TNIK: variants seen among roughly 807,000 people sequenced by gnomAD.
The protein encoded by TNIK is TRAF2 and NCK-interacting protein kinase.
TNIK carries 49 observed loss-of-function variants against 191.3 expected under a neutral mutation model. That is an observed-to-expected ratio of 0.26 (90% CI 0.20 to 0.32). TNIK has a LOEUF of 0.32. Ranked by LOEUF, TNIK falls within the 10% of genes least tolerant of loss-of-function variation. TNIK has a pLI of 1.00. For missense variants in TNIK, 1,155 were observed against 1,702.3 expected, an observed-to-expected ratio of 0.68 and a Z score of 5.66; for synonymous variants, 594 against 600.9, an observed-to-expected ratio of 0.99 and a Z score of 0.17.
intron 3 of TNIK, among the ~76,000 whole-genome samples, chr3:171,224,255 C>T (rs565893248): frequency 6.6e-6 from 1 of 152,286 alleles, no homozygotes; most frequent in East Asian, 1.9e-4. Context: ...AGTAAATTCC[C>T]TTTTCAGCTT....
At chr3:171,302,755 T>C (rs941962055) in intron 2 of TNIK, among the ~76,000 whole-genome samples, 2 of 152,216 alleles carry the variant, frequency 1.3e-5, no homozygotes, top group African/African-American at 4.8e-5. Flanking sequence ...TAAATGTTTA[T>C]AAAAGAATGA....
At chr3:171,398,657 C>T (rs1264554103) in intron 1 of TNIK, among the ~76,000 whole-genome samples, 1 of 152,156 alleles carries the variant, frequency 6.6e-6, no homozygotes, top group African/African-American at 2.4e-5. Flanking sequence ...AACAACTGGG[C>T]TCAAGCCCCA....
At chr3:171,393,803 T>C (rs541112159) in intron 1 of TNIK, among the ~76,000 whole-genome samples, 2 of 151,066 alleles carry the variant, frequency 1.3e-5, no homozygotes, top group Non-Finnish European at 3.0e-5. Flanking sequence ...TTATCAGGTA[T>C]TTATTCTATT....
chr3:171,128,771 G>C lies in TNIK; in HGVS notation c.1716C>G (p.Ser572Arg). The change falls in exon 16 of 33, where the codon AGC (serine) becomes AGG (arginine). Residue 572 changes from serine to arginine, a missense_variant. Around this residue, in one of 3 missense-constraint regions of TNIK, gnomAD observed 735 missense variants for 848.0 expected, o/e 0.87. Transcript: ENST00000436636. ...PNLPPRSESF[S>R]ISGVQPARTP... ...TTCGAGCAGGCTGAACTCCACTAAT[G>C]CTGAAGGACTCCGACCTTGGGGGCA... The C allele has an allele frequency of 6.2e-7, 1 of 1,613,040 alleles. No homozygotes were observed. Among genetic ancestry groups the C allele is most frequent in the Non-Finnish European group, 8.5e-7 (1 of 1,179,732 alleles).
At chr3:171,315,510 C>T (rs1016075323) in intron 2 of TNIK, among the ~76,000 whole-genome samples, 3 of 151,982 alleles carry the variant, frequency 2.0e-5, no homozygotes, top group African/African-American at 7.3e-5. Flanking sequence ...TATTAGTTGC[C>T]CGGAGCTGCC....
At chr3:171,343,335 A>C (rs1711613460) in intron 2 of TNIK, among the ~76,000 whole-genome samples, 1 of 152,214 alleles carries the variant, frequency 6.6e-6, no homozygotes, top group South Asian at 2.1e-4. Context: ...AAATCCCAAT[A>C]AAATGAGACT....
intron 2 of TNIK, among the ~76,000 whole-genome samples, chr3:171,335,814 G>T (rs2108382062): frequency 6.6e-6 from 1 of 152,226 alleles, no homozygotes; most frequent in Non-Finnish European, 1.5e-5. Flanking sequence ...CATCTGGTAG[G>T]TGTATAAATA....
intron 18 of TNIK, among the ~76,000 whole-genome samples, chr3:171,114,997 A>G (rs950028334): frequency 1.3e-5 from 2 of 152,238 alleles, no homozygotes; most frequent in African/African-American, 4.8e-5. Context: ...TTATTAAACA[A>G]TAGTGGTCAA....
chr3:171,235,242 A>AG (rs1744118684), intron 2 of TNIK, among the ~76,000 whole-genome samples: 1 of 152,112 alleles, frequency 6.6e-6, no homozygotes, highest in Non-Finnish European at 1.5e-5. Context: ...GGGTTTCGCC[A>AG]TGTTGGCCAG....
intron 15 of TNIK, among the ~76,000 whole-genome samples, chr3:171,129,204 G>A (rs891531495): frequency 3.3e-5 from 5 of 152,138 alleles, no homozygotes; most frequent in South Asian, 4.1e-4. Context: ...AATGCCATGG[G>A]GTCAGTGAGG....
intron 10 of TNIK, among the ~76,000 whole-genome samples, chr3:171,161,955 T>G (rs1734053342): frequency 6.6e-6 from 1 of 152,116 alleles, no homozygotes; most frequent in Non-Finnish European, 1.5e-5. Context: ...AATTTGTTTG[T>G]GTTATTCCCA....
chr3:171,114,019 C>G (rs1031328157), intron 18 of TNIK, among the ~76,000 whole-genome samples: 3 of 138,240 alleles, frequency 2.2e-5, no homozygotes, highest in Non-Finnish European at 4.7e-5. Context: ...AAAAAAAAAG[C>G]AGCATTCTCA....
chr3:171,212,246 T>G (rs1218350265), intron 3 of TNIK, among the ~76,000 whole-genome samples: 1 of 152,072 alleles, frequency 6.6e-6, no homozygotes, highest in African/African-American at 2.4e-5. Context: ...CTGCAGTCTC[T>G]CGTGTGCTGT....
chr3:171,132,797 T>G (rs1257021324), intron 15 of TNIK, among the ~76,000 whole-genome samples: 1 of 152,216 alleles, frequency 6.6e-6, no homozygotes, highest in Non-Finnish European at 1.5e-5. Context: ...AATAATATTT[T>G]ATAATATGTA....
rs2108753957 is a variant in TNIK, at chr3:171,460,132, G to C, written c.-69C>G. On this transcript the variant is annotated 5_prime_UTR_variant, in exon 1 of 33. Transcript: ENST00000436636. This position sits in a 1 kb window ranked among gnomAD's most constrained non-coding sequence, Gnocchi z 6.8. ...CTTTTCCCTTGGAAATTCCACCTTG[G>C]TCTATTTCACTCGCGTCCTCATGCG... 1 of 1,549,228 alleles carries C rather than the reference G, an allele frequency of 6.5e-7. No individual in the cohort carries two copies. The highest frequency in any genetic ancestry group is 1.2e-5 in the South Asian group (1 of 84,224).
chr3:171,213,036 G>A (rs1248919196), intron 3 of TNIK, among the ~76,000 whole-genome samples: 1 of 152,070 alleles, frequency 6.6e-6, no homozygotes, highest in Non-Finnish European at 1.5e-5. Flanking sequence ...GTGGGGAAGG[G>A]AGTCAAGGGG....
intron 1 of TNIK, among the ~76,000 whole-genome samples, chr3:171,377,469 C>T (rs1360773638): frequency 1.3e-5 from 2 of 152,214 alleles, no homozygotes; most frequent in Non-Finnish European, 2.9e-5. Flanking sequence ...CATCACTCCT[C>T]GGATTAATCA....
chr3:171,119,131 G>A (rs527757408), intron 18 of TNIK, among the ~76,000 whole-genome samples: 4 of 152,244 alleles, frequency 2.6e-5, no homozygotes, highest in South Asian at 4.1e-4. Context: ...AGTGGGCAAA[G>A]GATATGAACA....
rs67895255 is a variant in TNIK at position 171,421,724 on chromosome 3, A to ATTTTTTT, written c.57+38276_57+38282dup. On this transcript the variant is annotated intron_variant, in intron 1 of 32. Transcript: ENST00000436636. ...AGCTCTGCTCCTGATTAGTTGTGTA[A>ATTTTTTT]TTTTTTTTTTTTTTTTTTTTTTTTT... Among the ~76,000 whole-genome samples, 34 of 91,352 alleles carry ATTTTTTT rather than the reference A, an allele frequency of 3.7e-4. 1 individual carries two copies. The highest frequency in any genetic ancestry group is 1.1e-3 in the African/African-American group (23 of 20,114). 59.9% of individuals were successfully genotyped at this position (91,352 alleles called of 152,430 possible).
Sources: allele counts gnomAD v4.1 joint callset (sites outside exome capture counted in the v4.1 genomes callset), GRCh38; gene constraint gnomAD v4.1.1; regional missense constraint gnomAD v4.1.1; non-coding constraint Gnocchi (gnomAD v3.1); transcripts MANE v1.5; gene names NCBI Gene and HGNC (gene_info 2026-07-23, HGNC 2026-07-21).